Variants in FBXL7 observed in about 807,000 individuals in gnomAD.
FBXL7 encodes F-box and leucine rich repeat protein 7, also known as F-box/LRR-repeat protein 7.
FBXL7 carries 12 observed loss-of-function variants against 38.3 expected under a neutral mutation model. The observed-to-expected ratio is 0.31, with a 90% CI of 0.20 to 0.51. FBXL7 has a LOEUF of 0.51. FBXL7 is among the 20% of genes least tolerant of loss of function. The pLI is 0.98. For missense variants in FBXL7, 567 were observed against 676.4 expected (o/e 0.84, Z 1.79); for synonymous variants, 297 against 300.9 (o/e 0.99, Z 0.13).
intron 2 of FBXL7, among the ~76,000 whole-genome samples, chr5:15,700,780 G>T (rs1196240161): frequency 1.3e-5 from 2 of 152,054 alleles, no homozygotes; most frequent in Non-Finnish European, 2.9e-5. Flanking sequence ...AGTATTTTTA[G>T]TTACAATTAT....
chr5:15,654,351 A>T (rs1454710718), intron 2 of FBXL7, among the ~76,000 whole-genome samples: 1 of 150,520 alleles, frequency 6.6e-6, no homozygotes, highest in Non-Finnish European at 1.5e-5. Context: ...TTGTGCAAGG[A>T]TGATTTTAAA....
intron 2 of FBXL7, among the ~76,000 whole-genome samples, chr5:15,661,322 A>G (rs74662380): frequency 2.7e-4 from 41 of 152,204 alleles, no homozygotes; most frequent in African/African-American, 9.6e-4. Flanking sequence ...GAGATTTTCT[A>G]TGTAGATGAT....
chr5:15,931,487 C>T (rs971619252), intron 3 of FBXL7, among the ~76,000 whole-genome samples: 2 of 152,150 alleles, frequency 1.3e-5, no homozygotes, highest in Non-Finnish European at 1.5e-5. Context: ...TGCCTGGATG[C>T]AGACTTCCCC....
intron 2 of FBXL7, among the ~76,000 whole-genome samples, chr5:15,756,497 C>T (rs1014982164): frequency 3.3e-5 from 5 of 152,142 alleles, no homozygotes; most frequent in African/African-American, 1.2e-4. Flanking sequence ...TTGGAAATAT[C>T]TGTTCTCATT....
At chr5:15,892,579 C>T (rs12188155) in intron 2 of FBXL7, among the ~76,000 whole-genome samples, 2,063 of 152,260 alleles carry the variant, frequency 0.014, 23 homozygotes, top group Non-Finnish European at 0.017. Context: ...TTTGGGTTCG[C>T]AGCTTACTTA....
intron 1 of FBXL7, among the ~76,000 whole-genome samples, chr5:15,572,803 A>G (rs562968771): frequency 6.6e-6 from 1 of 152,322 alleles, no homozygotes; most frequent in South Asian, 2.1e-4. Flanking sequence ...CCCTTGTCCA[A>G]GCAGCGTAAA....
intron 2 of FBXL7, among the ~76,000 whole-genome samples, chr5:15,679,098 G>T (rs1023892190): frequency 6.6e-6 from 1 of 152,168 alleles, no homozygotes; most frequent in Non-Finnish European, 1.5e-5. Flanking sequence ...CAATTTTGAT[G>T]ATCACCTGAA....
chr5:15,520,873 G>A (rs551781930), intron 1 of FBXL7, among the ~76,000 whole-genome samples: 1 of 152,324 alleles, frequency 6.6e-6, no homozygotes, highest in South Asian at 2.1e-4. Context: ...CAGGGGTTGT[G>A]TGGCATGCTT....
chr5:15,840,764 T>A (rs1015516657), intron 2 of FBXL7, among the ~76,000 whole-genome samples: 2 of 149,754 alleles, frequency 1.3e-5, no homozygotes, highest in Non-Finnish European at 2.9e-5. Context: ...GGAGAATCGC[T>A]TGAACCCAGG....
At chr5:15,848,805 GAAGA>G (rs1214623932) in intron 2 of FBXL7, among the ~76,000 whole-genome samples, 1 of 152,184 alleles carries the variant, frequency 6.6e-6, no homozygotes, top group Non-Finnish European at 1.5e-5. Context: ...CATGAAAAAG[GAAGA>G]AAGAGCCCCT....
chr5:15,842,259 A>C (rs1477827400), intron 2 of FBXL7, among the ~76,000 whole-genome samples: 2 of 152,208 alleles, frequency 1.3e-5, no homozygotes, highest in Non-Finnish European at 2.9e-5. Flanking sequence ...AAAGGAGATC[A>C]TTTTGGAACT....
chr5:15,675,299 T>C (rs1561080396), intron 2 of FBXL7, among the ~76,000 whole-genome samples: 1 of 152,246 alleles, frequency 6.6e-6, no homozygotes, highest in East Asian at 1.9e-4. Context: ...AATCCTGTAA[T>C]GCAAGGTTTT....
intron 2 of FBXL7, among the ~76,000 whole-genome samples, chr5:15,628,987 A>G (rs1389526854): frequency 6.6e-6 from 1 of 152,022 alleles, no homozygotes; most frequent in Admixed American, 6.6e-5. Context: ...CTTTTAGTAG[A>G]GAAATATGGA....
chr5:15,626,722 T>A (rs751319100), intron 2 of FBXL7, among the ~76,000 whole-genome samples: 3 of 152,212 alleles, frequency 2.0e-5, no homozygotes, highest in Non-Finnish European at 2.9e-5. Flanking sequence ...TATGTTTATT[T>A]CTTTCACCTA....
At chr5:15,890,415 A>G (rs953847258) in intron 2 of FBXL7, among the ~76,000 whole-genome samples, 3 of 151,932 alleles carry the variant, frequency 2.0e-5, no homozygotes, top group Non-Finnish European at 2.9e-5. Flanking sequence ...CTAATTTTGT[A>G]TTTTTAGTAC....
In FBXL7 at chr5:15,650,431, C is replaced by A. The variant is rs111776418; in HGVS notation, c.127+34359C>A. Among the ~76,000 whole-genome samples, 738 of 152,344 alleles carry A rather than the reference C, an allele frequency of 4.8e-3. 5 individuals are homozygous for A. The highest frequency in any genetic ancestry group is 0.017 in the African/African-American group (691 of 41,588). On this transcript the variant is annotated intron_variant, in intron 2 of 3. Coordinates refer to ENST00000504595, the MANE Select transcript of FBXL7 (RefSeq NM_012304.5). ...TGCTGGTAGAGGGTCTGTTTCACTT[C>A]ATCGTTGATGGCTGCTGACTCATCA...
chr5:15,840,720 G>A (rs1010371327), intron 2 of FBXL7, among the ~76,000 whole-genome samples: 10 of 151,802 alleles, frequency 6.6e-5, no homozygotes, highest in South Asian at 4.2e-4. Flanking sequence ...GGTGGCACGC[G>A]CTTGTAGTCT....
intron 2 of FBXL7, among the ~76,000 whole-genome samples, chr5:15,689,120 T>C (rs1743102368): frequency 6.6e-6 from 1 of 152,204 alleles, no homozygotes; most frequent in African/African-American, 2.4e-5. Context: ...GTGCACGTCA[T>C]GGGCAATGCG....
intron 2 of FBXL7, among the ~76,000 whole-genome samples, chr5:15,906,560 T>C (rs1027835089): frequency 6.8e-6 from 1 of 147,358 alleles, no homozygotes; most frequent in Admixed American, 6.8e-5. Flanking sequence ...TACATGTGCA[T>C]ATTGTGCAGA....
Sources: allele counts gnomAD v4.1 joint callset (sites outside exome capture counted in the v4.1 genomes callset), GRCh38; gene constraint gnomAD v4.1.1; transcripts MANE v1.5; gene names NCBI Gene and HGNC (gene_info 2026-07-23, HGNC 2026-07-21).